Variants in U2SURP observed in about 807,000 individuals in gnomAD.
U2SURP encodes the protein U2 snRNP-associated SURP motif-containing protein.
U2SURP carries 9 observed loss-of-function variants against 144.9 expected under a neutral mutation model. The observed-to-expected ratio is 0.06, with a 90% CI of 0.04 to 0.11. The LOEUF (loss-of-function observed/expected upper bound fraction) is 0.11. Ranked by LOEUF, U2SURP falls within the 10% of genes least tolerant of loss-of-function variation. The pLI, the probability that U2SURP is intolerant of heterozygous loss-of-function variation, is 1.00. For missense variants in U2SURP, 724 were observed against 1,226.7 expected, an observed-to-expected ratio of 0.59 and a Z score of 6.12; for synonymous variants, 408 against 396.8, an observed-to-expected ratio of 1.03 and a Z score of -0.33.
intron 14 of U2SURP, among the ~76,000 whole-genome samples, chr3:143,027,528 T>A (rs1048122862): frequency 2.0e-5 from 3 of 152,178 alleles, no homozygotes; most frequent in African/African-American, 7.2e-5. Context: ...CACATGAGTA[T>A]AATCATACAA....
chr3:143,005,158 T>G (rs1935770768), intron 1 of U2SURP, among the ~76,000 whole-genome samples: 1 of 144,268 alleles, frequency 6.9e-6, no homozygotes, highest in Admixed American at 6.9e-5. Context: ...TTTTTTTTTC[T>G]TTTTTGCCGT....
chr3:143,024,501 G>C, intron 13 of U2SURP: 1 of 443,384 alleles, frequency 2.3e-6, no homozygotes, highest in South Asian at 1.6e-5. Context: ...TCCTATTATT[G>C]TCATGAACAC....
At chr3:143,011,020 T>G (rs1936097172) in intron 2 of U2SURP, among the ~76,000 whole-genome samples, 161 bp downstream of exon 2, 1 of 152,046 alleles carries the variant, frequency 6.6e-6, no homozygotes, top group Non-Finnish European at 1.5e-5. Flanking sequence ...TTTTTTTATG[T>G]TCTGCTTGCA....
rs916874787 is a variant in U2SURP, at chr3:143,059,880, A to G, written c.*3430A>G. 6.6e-6 allele frequency: 1 copy of G among 152,366 alleles called. No homozygotes were observed. The highest frequency in any genetic ancestry group is 1.5e-5 in the Non-Finnish European group (1 of 67,844). The allele number at this position is 152,366 out of a possible 1,614,324, so 9.4% of individuals were successfully genotyped here. A position where few individuals can be genotyped will look rare whatever the true frequency, so the allele number is the denominator to read the frequency against. ...CTTGATCTCTTCATATTTCACACGC[A>G]TGTTTTAGAATAGATTTTAGGGAGT... On this transcript the variant is annotated 3_prime_UTR_variant, in exon 28 of 28. Coordinates refer to ENST00000473835, the MANE Select transcript of U2SURP (RefSeq NM_001080415.2).
chr3:143,024,363 C>T, intron 13 of U2SURP: 1 of 368,808 alleles, frequency 2.7e-6, no homozygotes, highest in East Asian at 6.9e-5. Flanking sequence ...TACAGTTTGA[C>T]CCAATCTGTT....
In U2SURP at chr3:143,057,398, G is replaced by T. The variant is rs1202420937; in HGVS notation, c.*948G>T. 2.6e-5 allele frequency: 2 copies of T among 78,328 alleles called. No individual in the cohort carries two copies. Among genetic ancestry groups the T allele is most frequent in the African/African-American group, 6.0e-5 (1 of 16,720 alleles). The allele number at this position is 78,328 out of a possible 1,614,324, so 4.9% of individuals were successfully genotyped here. ...AGTTTGTGTTTAAACAGCTTAGTTG[G>T]TCCCCCCCCACTCCCAAGAGACTTG... On this transcript the variant is annotated 3_prime_UTR_variant, in exon 28 of 28. Coordinates refer to ENST00000473835, the MANE Select transcript of U2SURP (RefSeq NM_001080415.2).
chr3:143,046,963 T>G (rs1386517546), intron 24 of U2SURP, among the ~76,000 whole-genome samples: 1 of 84,024 alleles, frequency 1.2e-5, no homozygotes. Flanking sequence ...CTCCCCCACC[T>G]CCCTCCCGGA....
chr3:143,044,713 T>C (rs1158618524), intron 24 of U2SURP, among the ~76,000 whole-genome samples: 1 of 152,194 alleles, frequency 6.6e-6, no homozygotes, highest in Non-Finnish European at 1.5e-5. Context: ...ATGCCTACTG[T>C]ATGTCAGTAC....
chr3:143,038,126 CA>C lies in U2SURP; in HGVS notation c.2246del (p.Lys749ArgfsTer77). ...DGVPLDATED[S>X]KKNEPIFKVA... ...CTAATAGTGGATGCAACTGAAGACT[CA>C]AAAAAGAATGAGCCTATATTTAAAG... On this transcript the variant is annotated frameshift_variant, in exon 22 of 28. Coordinates refer to ENST00000473835, the MANE Select transcript of U2SURP (RefSeq NM_001080415.2). LOFTEE classifies it high-confidence loss of function. 1.2e-6 allele frequency: 2 copies of C among 1,603,144 alleles called. No homozygotes were observed. The highest frequency in any genetic ancestry group is 2.3e-5 in the South Asian group (2 of 88,864).
At position 143,043,309 on chromosome 3, in the gene U2SURP, T is replaced by C. The variant is rs574711441; in HGVS notation, c.2544+33T>C. On this transcript the variant is annotated intron_variant, in intron 24 of 27. Transcript: ENST00000473835. ...TTGCAGTGAAACTTAAATTACACTT[T>C]ATTGGCTTTTCACTTTCTCCACCAA... 4.7e-4 allele frequency: 725 copies of C among 1,558,150 alleles called. 7 individuals are homozygous for C. In the South Asian group the frequency reaches 8.2e-3, roughly 18 times the overall value.
intron 2 of U2SURP, 139 bp from the exon 3 acceptor site, chr3:143,012,083 G>T: frequency 9.0e-7 from 1 of 1,110,990 alleles, no homozygotes; most frequent in Non-Finnish European, 1.3e-6. Flanking sequence ...TGAAATCAAT[G>T]GTGATATTAA....
rs930069293 is a variant in U2SURP, at chr3:143,020,175, T to A, written c.638+139T>A. On this transcript the variant is annotated intron_variant, in intron 7 of 27. Coordinates refer to ENST00000473835, the MANE Select transcript of U2SURP (RefSeq NM_001080415.2). The stretch of plus-strand genomic sequence containing the variant: ...TGAGATTGTTTTAGATATTATAATA[T>A]TTGGTGGGCTATCTTTGAAAATAAA... The A allele has an allele frequency of 3.1e-4, 166 of 543,164 alleles. 1 individual carries two copies. Among genetic ancestry groups the A allele is most frequent in the African/African-American group, 2.9e-3 (150 of 51,040 alleles). 33.6% of individuals were successfully genotyped at this position (543,164 alleles called of 1,614,324 possible).
intron 1 of U2SURP, among the ~76,000 whole-genome samples, chr3:143,010,108 C>T (rs1936046119): frequency 6.6e-6 from 1 of 152,202 alleles, no homozygotes; most frequent in African/African-American, 2.4e-5. Flanking sequence ...CGTCCTACAG[C>T]TTGTCATCTT....
At chr3:143,029,585 C>T (rs916598020) in intron 16 of U2SURP, among the ~76,000 whole-genome samples, 3 of 152,162 alleles carry the variant, frequency 2.0e-5, no homozygotes, top group Admixed American at 1.3e-4. Context: ...TTTCCTGAGA[C>T]ACAACACTAT....
intron 1 of U2SURP, 61 bp downstream of exon 1, chr3:143,001,734 A>G: frequency 6.2e-7 from 1 of 1,603,164 alleles, no homozygotes; most frequent in Non-Finnish European, 8.5e-7. Flanking sequence ...GGGCCCACAG[A>G]CGCTTCTGGC....
intron 1 of U2SURP, among the ~76,000 whole-genome samples, chr3:143,009,585 A>G (rs1221936722): frequency 6.6e-6 from 1 of 151,814 alleles, no homozygotes; most frequent in Non-Finnish European, 1.5e-5. Flanking sequence ...GAGACAGAGT[A>G]AGACTCTGTC....
intron 5 of U2SURP, 38 bp downstream of exon 5, chr3:143,016,409 T>G (rs1277478700): frequency 6.4e-7 from 1 of 1,553,808 alleles, no homozygotes; most frequent in Non-Finnish European, 8.8e-7. Flanking sequence ...AAAGCATAAC[T>G]GTATTACAGT....
At chr3:143,009,393 T>C (rs923941434) in intron 1 of U2SURP, among the ~76,000 whole-genome samples, 3 of 151,638 alleles carry the variant, frequency 2.0e-5, no homozygotes, top group African/African-American at 7.3e-5. Flanking sequence ...AGGTCAGGAG[T>C]TCGAGACCAG....
At position 143,017,132 on chromosome 3, in the gene U2SURP, A is replaced by G; in HGVS notation, c.570+157A>G. On this transcript the variant is annotated intron_variant, in intron 6 of 27. Transcript: ENST00000473835. ...CTTTCTAACCCAGTAATTTACTTAG[A>G]TGAGAGTTAATGAATTGGGACACGT... 5.6e-6 allele frequency: 3 copies of G among 537,004 alleles called. No homozygotes were observed. The South Asian group carries it at 1.8e-4, about 31-fold the overall frequency. The allele number at this position is 537,004 out of a possible 1,614,324, so 33.3% of individuals were successfully genotyped here. A position where few individuals can be genotyped will look rare whatever the true frequency, so the allele number is the denominator to read the frequency against.
Sources: allele counts gnomAD v4.1 joint callset (sites outside exome capture counted in the v4.1 genomes callset), GRCh38; gene constraint gnomAD v4.1.1; transcripts MANE v1.5; gene names NCBI Gene and HGNC (gene_info 2026-07-23, HGNC 2026-07-21).